ZYG11B: variants seen among roughly 807,000 people sequenced by gnomAD.
ZYG11B encodes the protein zyg-11 family member B, cell cycle regulator.
A neutral mutation model predicts 82.4 loss-of-function variants in ZYG11B; 36 were observed. The observed-to-expected ratio is 0.44, with a 90% CI of 0.33 to 0.58. The LOEUF (loss-of-function observed/expected upper bound fraction) is 0.58, where lower values mean the gene tolerates loss of function less well. ZYG11B is among the 20% of genes least tolerant of loss of function. ZYG11B has a pLI of 0.02. For synonymous variants in ZYG11B, 303 were observed against 312.8 expected (o/e 0.97, Z 0.33); for missense variants, 552 against 895.6 (o/e 0.62, Z 4.90).
At chr1:52,730,984 C>G (rs964086839) in intron 1 of ZYG11B, among the ~76,000 whole-genome samples, 1 of 151,830 alleles carries the variant, frequency 6.6e-6, no homozygotes, top group Non-Finnish European at 1.5e-5. Context: ...AAAGAATAGT[C>G]CAGATAGGCT....
Position 52,771,838 on chromosome 1 carries a change from T to C in ZYG11B, c.951+64T>C. The C allele has an allele frequency of 6.6e-7, 1 of 1,518,698 alleles. No individual in the cohort carries two copies. Among genetic ancestry groups the C allele is most frequent in the Admixed American group, 2.1e-5 (1 of 48,592 alleles). 94.1% of individuals were successfully genotyped at this position (1,518,698 alleles called of 1,614,324 possible). A position where few individuals can be genotyped will look rare whatever the true frequency, so the allele number is the denominator to read the frequency against. ...AATATCTTAGTTGCATAAGACTCTA[T>C]TAAAGATGAATGTCTGTAATATATG... On this transcript the variant is annotated intron_variant, in intron 3 of 13. Coordinates refer to ENST00000294353, the MANE Select transcript of ZYG11B (RefSeq NM_024646.3). The surrounding 1 kb of genome is among the most constrained non-coding windows in gnomAD (Gnocchi z 5.4).
At chr1:52,749,279 C>G (rs541514235) in intron 1 of ZYG11B, among the ~76,000 whole-genome samples, 1 of 152,008 alleles carries the variant, frequency 6.6e-6, no homozygotes, top group African/African-American at 2.4e-5. Flanking sequence ...AACAAAAGCT[C>G]TGAGATGTGA....
intron 10 of ZYG11B, among the ~76,000 whole-genome samples, chr1:52,804,618 AAAAC>A (rs993533637): frequency 3.3e-5 from 5 of 151,936 alleles, no homozygotes; most frequent in African/African-American, 1.2e-4. Flanking sequence ...CTCAGAAAAA[AAAAC>A]AAAAAACAAA....
chr1:52,759,079 CCACCA>C (rs1185644934), intron 2 of ZYG11B, among the ~76,000 whole-genome samples: 1 of 151,966 alleles, frequency 6.6e-6, no homozygotes, highest in East Asian at 1.9e-4. Flanking sequence ...CTACAGGTGC[CCACCA>C]ACACGCCCAG....
chr1:52,769,644 G>A (rs1250283827), intron 2 of ZYG11B, among the ~76,000 whole-genome samples: 1 of 152,130 alleles, frequency 6.6e-6, no homozygotes, highest in Non-Finnish European at 1.5e-5. Context: ...GGCCTTTCTT[G>A]ATTTTAACTG....
At chr1:52,731,866 A>G (rs1184165574) in intron 1 of ZYG11B, among the ~76,000 whole-genome samples, 1 of 152,202 alleles carries the variant, frequency 6.6e-6, no homozygotes, top group Non-Finnish European at 1.5e-5. Context: ...TCAGTGGTGC[A>G]ACCACGGCTT....
chr1:52,815,619 C>T (rs1231904616), intron 12 of ZYG11B, among the ~76,000 whole-genome samples: 1 of 150,774 alleles, frequency 6.6e-6, no homozygotes, highest in Non-Finnish European at 1.5e-5. Context: ...GACCCTGTCT[C>T]AAATAAATAA....
intron 8 of ZYG11B, among the ~76,000 whole-genome samples, chr1:52,798,150 G>T (rs1018896503): frequency 9.3e-5 from 14 of 151,000 alleles, no homozygotes; most frequent in Admixed American, 2.0e-4. Flanking sequence ...ATTTTTTTTT[G>T]GTTATTTGTA....
intron 1 of ZYG11B, among the ~76,000 whole-genome samples, chr1:52,727,794 G>A (rs1456450939): frequency 6.6e-6 from 1 of 152,112 alleles, no homozygotes; most frequent in African/African-American, 2.4e-5. Context: ...TTTTCATTGA[G>A]TTGGGTTATA....
At chr1:52,767,058 G>A (rs1379074065) in intron 2 of ZYG11B, among the ~76,000 whole-genome samples, 1 of 146,564 alleles carries the variant, frequency 6.8e-6, no homozygotes, top group Non-Finnish European at 1.5e-5. Context: ...TTTATTTTAT[G>A]TTATTTTTAT....
intron 1 of ZYG11B, among the ~76,000 whole-genome samples, chr1:52,735,094 G>A (rs540201945): frequency 1.2e-3 from 177 of 148,534 alleles, no homozygotes; most frequent in Non-Finnish European, 1.9e-3. Flanking sequence ...GCAATGGCGC[G>A]ATCTCGGCTC....
At chr1:52,797,132 A>G (rs867698122) in intron 8 of ZYG11B, among the ~76,000 whole-genome samples, 7 of 67,352 alleles carry the variant, frequency 1.0e-4, no homozygotes, top group African/African-American at 8.1e-4. Context: ...TATATTATAT[A>G]TTTATATATT....
chr1:52,794,100 G>A lies in ZYG11B; in HGVS notation c.1335-2192G>A, dbSNP rs535762184. Among the ~76,000 whole-genome samples the A allele has an allele frequency of 2.4e-4, 37 of 151,822 alleles. No homozygotes were observed. In the South Asian group the frequency reaches 2.7e-3, roughly 11 times the overall value. On this transcript the variant is annotated intron_variant, in intron 6 of 13. Transcript: ENST00000294353. ...AGTGATTCTCCTGCCTCAGCCTCCC[G>A]AGTAGCTGAGACTATAGGCGCGCAC...
chr1:52,755,304 C>G (rs1644564847), intron 1 of ZYG11B, among the ~76,000 whole-genome samples: 1 of 151,966 alleles, frequency 6.6e-6, no homozygotes, highest in Admixed American at 6.6e-5. Context: ...TTGTCAATAT[C>G]AATTGACCAC....
intron 3 of ZYG11B, among the ~76,000 whole-genome samples, chr1:52,775,832 C>T (rs1293087249): frequency 6.6e-6 from 1 of 151,722 alleles, no homozygotes; most frequent in Non-Finnish European, 1.5e-5. Flanking sequence ...AATCCCAGCA[C>T]TTTGGGAGAA....
intron 10 of ZYG11B, among the ~76,000 whole-genome samples, chr1:52,804,516 G>A (rs561153751): frequency 6.6e-6 from 1 of 152,188 alleles, no homozygotes; most frequent in African/African-American, 2.4e-5. Context: ...AGGAGGCTGA[G>A]GCATGAGAAT....
intron 6 of ZYG11B, among the ~76,000 whole-genome samples, chr1:52,794,238 T>C (rs1644988048): frequency 6.6e-6 from 1 of 152,092 alleles, no homozygotes; most frequent in Non-Finnish European, 1.5e-5. Context: ...CCTCCCAAAG[T>C]GCTGGGATTA....
At chr1:52,728,479 ACCT>A (rs1001246764) in intron 1 of ZYG11B, among the ~76,000 whole-genome samples, 11 of 151,848 alleles carry the variant, frequency 7.2e-5, no homozygotes, top group African/African-American at 2.7e-4. Context: ...TCTGGTCTTG[ACCT>A]CCTGGATTCA....
rs1249513287 is a variant in ZYG11B at position 52,789,956 on chromosome 1, CAA to C, written c.1270-45_1270-44del. On this transcript the variant is annotated intron_variant, in intron 5 of 13. Coordinates refer to ENST00000294353, the MANE Select transcript of ZYG11B (RefSeq NM_024646.3). ...GGAAGCTACCATGGTTAAAATATAA[CAA>C]AGTGATATTTTATTTAGGATTTTTT... is the stretch of plus-strand genomic sequence containing the variant. 7 of 1,294,596 alleles carry C rather than the reference CAA, an allele frequency of 5.4e-6. No individual in the cohort carries two copies. In the East Asian group the frequency reaches 7.5e-5, roughly 14 times the overall value. The allele number at this position is 1,294,596 out of a possible 1,614,324, so 80.2% of individuals were successfully genotyped here.
Sources: gnomAD v4.1 joint callset for allele counts (sites outside exome capture counted in the v4.1 genomes callset) on GRCh38, gnomAD v4.1.1 for gene constraint, Gnocchi (gnomAD v3.1) non-coding constraint, MANE v1.5 for transcripts, NCBI Gene and HGNC (gene_info 2026-07-23, HGNC 2026-07-21) for gene names.